Variants in MACROD2 observed in about 807,000 individuals in gnomAD.
MACROD2 encodes ADP-ribose glycohydrolase MACROD2.
In MACROD2, 36 loss-of-function variants were observed where a neutral mutation model predicts 70.4. That is an observed-to-expected ratio of 0.51 (90% CI 0.39 to 0.68). MACROD2 has a LOEUF of 0.68. Ranked by LOEUF, MACROD2 falls within the 30% of genes least tolerant of loss-of-function variation. The pLI is 0.00. For synonymous variants in MACROD2, 172 were observed against 178.8 expected (o/e 0.96, Z 0.30); for missense variants, 496 against 538.4 (o/e 0.92, Z 0.78).
chr20:14,227,172 G>A (rs1039949052), intron 3 of MACROD2, among the ~76,000 whole-genome samples: 9 of 152,096 alleles, frequency 5.9e-5, no homozygotes, highest in African/African-American at 1.4e-4. Context: ...TCTAGCTCAG[G>A]GATTGTAAAG....
chr20:15,919,158 C>T (rs765028880), intron 10 of MACROD2, among the ~76,000 whole-genome samples: 6 of 152,126 alleles, frequency 3.9e-5, no homozygotes, highest in Non-Finnish European at 5.9e-5. Flanking sequence ...TTGATAAGGG[C>T]AAACTTCTGC....
intron 5 of MACROD2, among the ~76,000 whole-genome samples, chr20:15,088,786 T>C (rs452686): frequency 0.49 from 73,599 of 151,170 alleles, 19,634 homozygotes; most frequent in Non-Finnish European, 0.61. Flanking sequence ...CTTCTATGTA[T>C]GTGCACAGTA....
At chr20:14,520,993 A>T (rs1462867242) in intron 4 of MACROD2, among the ~76,000 whole-genome samples, 1 of 151,234 alleles carries the variant, frequency 6.6e-6, no homozygotes, top group Non-Finnish European at 1.5e-5. Context: ...ACACCCCCCA[A>T]ATAGGTTTTC....
intron 8 of MACROD2, among the ~76,000 whole-genome samples, chr20:15,624,505 G>A (rs543129898): frequency 1.6e-4 from 24 of 152,204 alleles, no homozygotes; most frequent in Non-Finnish European, 3.2e-4. Context: ...CATATGGTGA[G>A]TAGAACTGTG....
chr20:14,596,149 G>T (rs1321574430), intron 4 of MACROD2, among the ~76,000 whole-genome samples: 1 of 151,452 alleles, frequency 6.6e-6, no homozygotes, highest in Non-Finnish European at 1.5e-5. Flanking sequence ...GCAGTGGCAC[G>T]ATCTCGGCTC....
chr20:14,652,214 T>A (rs1985713373), intron 4 of MACROD2, among the ~76,000 whole-genome samples: 1 of 152,228 alleles, frequency 6.6e-6, no homozygotes, highest in East Asian at 1.9e-4. Flanking sequence ...CAGAGATTTA[T>A]CTTTTAACCC....
intron 5 of MACROD2, among the ~76,000 whole-genome samples, chr20:15,104,298 C>A (rs918253778): frequency 6.6e-6 from 1 of 152,064 alleles, no homozygotes; most frequent in Non-Finnish European, 1.5e-5. Context: ...CAGAGTTCAG[C>A]AAGGCATTCA....
chr20:14,870,049 C>G (rs1226764808), intron 5 of MACROD2, among the ~76,000 whole-genome samples: 2 of 152,080 alleles, frequency 1.3e-5, no homozygotes, highest in Admixed American at 6.5e-5. Context: ...TTTTGTCACC[C>G]AGGTATTAAG....
At chr20:14,229,129 A>G (rs2081775734) in intron 3 of MACROD2, among the ~76,000 whole-genome samples, 1 of 152,358 alleles carries the variant, frequency 6.6e-6, no homozygotes, top group East Asian at 1.9e-4. Context: ...TTAGGAGATA[A>G]CATAGGACAA....
At chr20:14,912,052 A>G (rs1200898322) in intron 5 of MACROD2, among the ~76,000 whole-genome samples, 1 of 152,124 alleles carries the variant, frequency 6.6e-6, no homozygotes, top group Admixed American at 6.5e-5. Flanking sequence ...AGGTGATTTC[A>G]CTAACCTACA....
rs2067440323 is a variant in MACROD2 at position 16,050,115 on chromosome 20, G to C, written c.*239G>C. On this transcript the variant is annotated 3_prime_UTR_variant, in exon 18 of 18. Transcript: ENST00000684519. The stretch of plus-strand genomic sequence containing the variant: ...GGGACCCATGTTGACGCATCTTTCA[G>C]GCATTATCCTTGTAATTTCTGTCTT... 2.5e-6 allele frequency: 1 copy of C among 394,278 alleles called. No individual in the cohort carries two copies. Among genetic ancestry groups the C allele is most frequent in the African/African-American group, 2.0e-5 (1 of 48,836 alleles). The allele number at this position is 394,278 out of a possible 1,614,324, so 24.4% of individuals were successfully genotyped here. A position where few individuals can be genotyped will look rare whatever the true frequency, so the allele number is the denominator to read the frequency against.
At chr20:14,795,668 G>C (rs2072501422) in intron 5 of MACROD2, among the ~76,000 whole-genome samples, 2 of 152,110 alleles carry the variant, frequency 1.3e-5, no homozygotes, top group Non-Finnish European at 2.9e-5. Context: ...AGGAGGCAAG[G>C]CCAGTGATAG....
intron 15 of MACROD2, among the ~76,000 whole-genome samples, chr20:16,031,523 G>C (rs1348324694): frequency 6.6e-6 from 1 of 152,080 alleles, no homozygotes; most frequent in African/African-American, 2.4e-5. Flanking sequence ...ATAAGTGCAA[G>C]AACATTCACT....
chr20:14,391,506 A>G (rs1251268230), intron 3 of MACROD2, among the ~76,000 whole-genome samples: 1 of 152,130 alleles, frequency 6.6e-6, no homozygotes, highest in Non-Finnish European at 1.5e-5. Context: ...ATCAGGAAAA[A>G]TAACTAATGG....
intron 3 of MACROD2, among the ~76,000 whole-genome samples, chr20:14,334,275 AT>A (rs1457828152): frequency 6.6e-6 from 1 of 152,186 alleles, no homozygotes; most frequent in Non-Finnish European, 1.5e-5. Context: ...AGTGATGTCG[AT>A]CTGTATTTTG....
At chr20:14,685,019 A>G (rs1361331208) in intron 5 of MACROD2, 60 bp downstream of exon 5, 2 of 1,314,426 alleles carry the variant, frequency 1.5e-6, no homozygotes, top group African/African-American at 1.5e-5. Context: ...GTTTTACTCC[A>G]GTGTATAACT....
At position 14,807,255 on chromosome 20, in the gene MACROD2, A is replaced by C. The variant is rs555648120; in HGVS notation, c.418+122296A>C. Among the ~76,000 whole-genome samples, 54 of 152,240 alleles carry C rather than the reference A, an allele frequency of 3.5e-4. No homozygotes were observed. The East Asian group carries it at 0.01, about 28-fold the overall frequency. On this transcript the variant is annotated intron_variant, in intron 5 of 17. Coordinates refer to ENST00000684519, the MANE Select transcript of MACROD2 (RefSeq NM_001351661.2). ...GCTTCCAGAGGAAGGAGCAGGCAGC[A>C]ATCTTTACTGTTCTGCAGCCTCTGC...
chr20:15,279,728 A>G (rs2146085061), intron 6 of MACROD2, among the ~76,000 whole-genome samples: 1 of 152,336 alleles, frequency 6.6e-6, no homozygotes, highest in African/African-American at 2.4e-5. Flanking sequence ...TGACTGTGGT[A>G]TTGGTGAAGA....
chr20:14,491,413 A>G (rs904820759), intron 3 of MACROD2, among the ~76,000 whole-genome samples: 21 of 152,234 alleles, frequency 1.4e-4, no homozygotes, highest in Admixed American at 6.5e-4. Context: ...ATTCTATTAC[A>G]TGGATAGTAA....
Sources: gnomAD v4.1 joint callset for allele counts (sites outside exome capture counted in the v4.1 genomes callset) on GRCh38, gnomAD v4.1.1 for gene constraint, MANE v1.5 for transcripts, NCBI Gene and HGNC (gene_info 2026-07-23, HGNC 2026-07-21) for gene names.